Variants in DNAH14 observed in about 807,000 individuals in gnomAD.
DNAH14 encodes dynein axonemal heavy chain 14.
DNAH14 carries 478 observed loss-of-function variants against 520.9 expected under a neutral mutation model. The observed-to-expected ratio is 0.92, with a 90% CI of 0.85 to 0.99. The LOEUF (loss-of-function observed/expected upper bound fraction) is 0.99. DNAH14 is among the 50% of genes least tolerant of loss of function. The pLI, the probability that DNAH14 is intolerant of heterozygous loss-of-function variation, is 0.00. For synonymous variants in DNAH14, 1,581 were observed against 1,757.2 expected, an observed-to-expected ratio of 0.90 and a Z score of 2.51; for missense variants, 4,831 against 5,234.5, an observed-to-expected ratio of 0.92 and a Z score of 2.38.
chr1:225,170,928 C>T (rs1435626282), intron 36 of DNAH14, among the ~76,000 whole-genome samples: 3 of 152,162 alleles, frequency 2.0e-5, no homozygotes, highest in Non-Finnish European at 2.9e-5. Flanking sequence ...TCTCTCAGAC[C>T]ACAGTGCAAT....
chr1:225,238,189 G>A (rs1014155308), intron 42 of DNAH14, among the ~76,000 whole-genome samples: 5 of 152,116 alleles, frequency 3.3e-5, no homozygotes, highest in Admixed American at 1.3e-4. Context: ...TGGAGAAGAG[G>A]CACTCTGGCT....
In DNAH14 at chr1:225,080,499, C is replaced by T; in HGVS notation, c.2887C>T (p.Gln963Ter). 1 of 1,551,816 alleles carries T rather than the reference C, an allele frequency of 6.4e-7. No individual in the cohort carries two copies. The change falls in exon 19 of 86, where the codon CAG (glutamine) becomes TAG (stop). Residue 963 changes from glutamine (Q) to a stop codon, truncating the protein, a stop_gained. Coordinates refer to ENST00000682510, the MANE Select transcript of DNAH14 (RefSeq NM_001367479.1). LOFTEE classifies it high-confidence loss of function. ...CAAAGCTAAAGCATATTCACATTATCAGGATTGTTTCAGTGATTCTCAATC... is the reference window on the plus strand; with the variant it reads ...CAAAGCTAAAGCATATTCACATTATTAGGATTGTTTCAGTGATTCTCAATC... The part of the protein sequence containing the change: ...TNKAKAYSHY[Q>*]DCFSDSQSHM...
At chr1:225,266,915 A>G in intron 49 of DNAH14, 146 bp downstream of exon 49, 1 of 643,596 alleles carries the variant, frequency 1.6e-6, no homozygotes, top group South Asian at 2.6e-5. Flanking sequence ...ACCCTAAACT[A>G]ACTATATTAA....
In DNAH14 at chr1:224,960,257, T is replaced by C; in HGVS notation, c.322T>C (p.Cys108Arg). The C allele has an allele frequency of 6.2e-7, 1 of 1,611,226 alleles. No homozygotes were observed. The highest frequency in any genetic ancestry group is 8.5e-7 in the Non-Finnish European group (1 of 1,178,726). The stretch of plus-strand genomic sequence containing the variant: ...GAGAAAAAAGGATCAAACTCATGCT[T>C]GTCCAAATGTTAGGAAAGCCAGGCC... ...SRRKKDQTHA[C>R]PNVRKARPVS... The change falls in exon 4 of 86, where the codon TGT becomes CGT. Residue 108 changes from cysteine (C) to arginine (R), a missense_variant. Transcript: ENST00000682510.
At chr1:225,393,240 T>C (rs1299183735) in intron 84 of DNAH14, among the ~76,000 whole-genome samples, 2 of 152,040 alleles carry the variant, frequency 1.3e-5, no homozygotes, top group Non-Finnish European at 2.9e-5. Context: ...CCAAAAGAAT[T>C]GAAAAAATAG....
chr1:224,972,835 A>T (rs2061582098), intron 7 of DNAH14, among the ~76,000 whole-genome samples: 1 of 152,254 alleles, frequency 6.6e-6, no homozygotes, highest in African/African-American at 2.4e-5. Flanking sequence ...TTCAAATAGA[A>T]AAATGAGATA....
intron 55 of DNAH14, among the ~76,000 whole-genome samples, chr1:225,293,993 T>C (rs559539757): frequency 1.3e-5 from 2 of 152,112 alleles, no homozygotes; most frequent in Non-Finnish European, 2.9e-5. Flanking sequence ...AGAGTGGTGA[T>C]AGTGGGCATT....
chr1:224,958,962 G>A (rs1418553806), intron 3 of DNAH14, among the ~76,000 whole-genome samples: 1 of 152,036 alleles, frequency 6.6e-6, no homozygotes, highest in Non-Finnish European at 1.5e-5. Flanking sequence ...AAGAGGGCAA[G>A]TTGTTATGAT....
At chr1:225,254,816 A>G (rs894769392) in intron 44 of DNAH14, among the ~76,000 whole-genome samples, 1 of 152,222 alleles carries the variant, frequency 6.6e-6, no homozygotes, top group African/African-American at 2.4e-5. Context: ...GCTGTCTACT[A>G]GGTAGCAGCC....
intron 46 of DNAH14, among the ~76,000 whole-genome samples, chr1:225,263,809 A>G (rs1171526258): frequency 6.6e-6 from 1 of 152,106 alleles, no homozygotes; most frequent in Non-Finnish European, 1.5e-5. Context: ...AAAGACAACT[A>G]TTTTCTATCA....
chr1:225,335,723 A>G (rs1351415473), intron 66 of DNAH14, among the ~76,000 whole-genome samples: 2 of 102,946 alleles, frequency 1.9e-5, no homozygotes, highest in Non-Finnish European at 3.8e-5. Flanking sequence ...ATACGCATAT[A>G]TACATATGTG....
At chr1:225,003,505 G>T (rs2063922671) in intron 9 of DNAH14, among the ~76,000 whole-genome samples, 1 of 152,052 alleles carries the variant, frequency 6.6e-6, no homozygotes, top group African/African-American at 2.4e-5. Context: ...AAGAGGAATT[G>T]TTAAGGGGCT....
At chr1:225,283,580 A>C (rs982863441) in intron 54 of DNAH14, among the ~76,000 whole-genome samples, 1 of 152,202 alleles carries the variant, frequency 6.6e-6, no homozygotes, top group African/African-American at 2.4e-5. Flanking sequence ...ATTTAACAAT[A>C]ATAGTTGGAC....
chr1:225,153,603 G>A, intron 33 of DNAH14, 147 bp from the exon 34 acceptor site: 1 of 522,714 alleles, frequency 1.9e-6, no homozygotes, highest in Non-Finnish European at 3.3e-6. Flanking sequence ...GAGAGCATTA[G>A]CAGTATAACC....
chr1:225,308,461 T>C lies in DNAH14; in HGVS notation c.9240+51T>C. 2.7e-6 allele frequency: 4 copies of C among 1,476,092 alleles called. No homozygotes were observed. In the South Asian group the frequency reaches 4.2e-5, roughly 15 times the overall value. 91.4% of individuals were successfully genotyped at this position (1,476,092 alleles called of 1,614,324 possible). The stretch of plus-strand genomic sequence containing the variant: ...AATAATTTGGAGATTTGAAAAAGTA[T>C]TCCCTAACCTTCAAATTTAAAAGTC... On this transcript the variant is annotated intron_variant, in intron 60 of 85. Coordinates refer to ENST00000682510, the MANE Select transcript of DNAH14 (RefSeq NM_001367479.1).
intron 35 of DNAH14, among the ~76,000 whole-genome samples, chr1:225,163,088 A>C (rs901843326): frequency 2.0e-5 from 3 of 148,022 alleles, no homozygotes; most frequent in African/African-American, 5.0e-5. Flanking sequence ...CAGTGAGCCA[A>C]GATTGTGCCA....
In DNAH14 at chr1:225,232,981, G is replaced by C. The variant is rs1216830320; in HGVS notation, c.6518+1830G>C. On this transcript the variant is annotated intron_variant, in intron 42 of 85. Coordinates refer to ENST00000682510, the MANE Select transcript of DNAH14 (RefSeq NM_001367479.1). This position sits in a 1 kb window ranked among gnomAD's most constrained non-coding sequence, Gnocchi z 4.2. The stretch of plus-strand genomic sequence containing the variant: ...CTGACCACCACCCCAACAGTCCCCA[G>C]TGTGTGTTGTTCCCCTGCCCATGTG... Among the ~76,000 whole-genome samples, 1 of 152,078 alleles carries C rather than the reference G, an allele frequency of 6.6e-6. No individual in the cohort carries two copies. Among genetic ancestry groups the C allele is most frequent in the Non-Finnish European group, 1.5e-5 (1 of 68,010 alleles).
intron 64 of DNAH14, among the ~76,000 whole-genome samples, chr1:225,329,177 A>C (rs1454560272): frequency 1.3e-5 from 2 of 152,178 alleles, no homozygotes; most frequent in Admixed American, 6.5e-5. Flanking sequence ...GTTATAAACA[A>C]ACATCAGTGT....
intron 36 of DNAH14, among the ~76,000 whole-genome samples, chr1:225,170,798 C>A (rs2082549259): frequency 6.6e-6 from 1 of 152,182 alleles, no homozygotes; most frequent in Non-Finnish European, 1.5e-5. Flanking sequence ...CCCTCCACCC[C>A]AAATCAACAG....
Sources: allele counts gnomAD v4.1 joint callset (sites outside exome capture counted in the v4.1 genomes callset), GRCh38; gene constraint gnomAD v4.1.1; non-coding constraint Gnocchi (gnomAD v3.1); transcripts MANE v1.5; gene names NCBI Gene and HGNC (gene_info 2026-07-23, HGNC 2026-07-21).